TBCD: variants seen among roughly 807,000 people sequenced by gnomAD.
TBCD encodes tubulin-specific chaperone D.
TBCD carries 105 observed loss-of-function variants against 169.3 expected under a neutral mutation model. The observed-to-expected ratio is 0.62, with a 90% confidence interval of 0.53 to 0.73. The LOEUF (loss-of-function observed/expected upper bound fraction) is 0.73. Ranked by LOEUF, TBCD falls within the 30% of genes least tolerant of loss-of-function variation. TBCD has a pLI of 0.00. For missense variants in TBCD, 1,444 were observed against 1,600.1 expected (o/e 0.90, Z 1.66); for synonymous variants, 700 against 643.9 (o/e 1.09, Z -1.32).
At chr17:82,796,578 G>A (rs780317669) in intron 7 of TBCD, among the ~76,000 whole-genome samples, 5 of 152,192 alleles carry the variant, frequency 3.3e-5, no homozygotes, top group Non-Finnish European at 5.9e-5. Context: ...GAACAGGAGC[G>A]CAGAGACCCT....
chr17:82,935,087 A>C (rs1396868152), intron 34 of TBCD, among the ~76,000 whole-genome samples: 2 of 152,068 alleles, frequency 1.3e-5, no homozygotes, highest in Non-Finnish European at 2.9e-5. Flanking sequence ...TTTTTCCAAG[A>C]TAGGATGGTA....
chr17:82,856,251 C>T (rs1231162004), intron 13 of TBCD, among the ~76,000 whole-genome samples: 3 of 151,548 alleles, frequency 2.0e-5, no homozygotes, highest in Non-Finnish European at 4.4e-5. Flanking sequence ...ATCTAAAATG[C>T]AAGAATATAA....
At position 82,922,342 on chromosome 17, in the gene TBCD, C is replaced by G. The variant is rs892632654; in HGVS notation, c.2178+765C>G. 6.6e-6 allele frequency among the ~76,000 whole-genome samples: 1 copy of G among 151,926 alleles called. No homozygotes were observed. The highest frequency in any genetic ancestry group is 2.1e-4 in the South Asian group (1 of 4,814). ...CGCCATTGCACTCCAGCCTGGGTGACAAGAGCAAGACCCTGCCTCAAAAAC... is the reference window on the plus strand; with the variant it reads ...CGCCATTGCACTCCAGCCTGGGTGAGAAGAGCAAGACCCTGCCTCAAAAAC... On this transcript the variant is annotated intron_variant, in intron 25 of 38. Transcript: ENST00000355528. The surrounding 1 kb of genome is among the most constrained non-coding windows in gnomAD (Gnocchi z 4.1).
chr17:82,845,541 C>T (rs1410695361), intron 13 of TBCD, among the ~76,000 whole-genome samples: 1 of 150,934 alleles, frequency 6.6e-6, no homozygotes, highest in Non-Finnish European at 1.5e-5. Context: ...CCTTCCTGTC[C>T]ATCTTGTGTG....
intron 18 of TBCD, among the ~76,000 whole-genome samples, chr17:82,902,737 T>G (rs1470697426): frequency 6.6e-6 from 1 of 152,198 alleles, no homozygotes; most frequent in Non-Finnish European, 1.5e-5. Flanking sequence ...CACCTTCACA[T>G]TTTGCTTCTT....
At chr17:82,830,097 C>T (rs1173011461) in intron 13 of TBCD, 14 of 1,611,276 alleles carry the variant, frequency 8.7e-6, no homozygotes, top group South Asian at 1.1e-5. Context: ...CCTTGGAAGG[C>T]GTGTGTGTGG....
intron 1 of TBCD, among the ~76,000 whole-genome samples, chr17:82,754,894 C>T (rs2047319981): frequency 6.6e-6 from 1 of 152,172 alleles, no homozygotes; most frequent in Admixed American, 6.5e-5. Flanking sequence ...TGGAAGGGAG[C>T]AGTGCCTGGA....
chr17:82,801,014 G>C lies in TBCD; in HGVS notation c.950+18G>C. ...GCATGGAGGTAGGCACCATGAGGGC[G>C]GTGCCTGGGGAGGGCCACGGGGTGG... On this transcript the variant is annotated intron_variant, in intron 9 of 38. Coordinates refer to ENST00000355528, the MANE Select transcript of TBCD (RefSeq NM_005993.5). 1.3e-6 allele frequency: 2 copies of C among 1,599,280 alleles called. No individual in the cohort carries two copies. The highest frequency in any genetic ancestry group is 1.7e-6 in the Non-Finnish European group (2 of 1,174,594).
rs1033709812 is a variant in TBCD at position 82,891,731 on chromosome 17, G to A, written c.1564-1816G>A. On this transcript the variant is annotated intron_variant, in intron 16 of 38. Transcript: ENST00000355528. ...GCCGCTGGGTAACAGCAGCAGGGAT[G>A]GGGGGTGGTTGGGGAGCGGCCTGGG... 2.0e-5 allele frequency among the ~76,000 whole-genome samples: 3 copies of A among 152,160 alleles called. No homozygotes were observed. In the East Asian group the frequency reaches 5.8e-4, roughly 29 times the overall value.
chr17:82,799,441 CAAAA>C (rs61017445), intron 8 of TBCD, among the ~76,000 whole-genome samples: 13 of 72,620 alleles, frequency 1.8e-4, no homozygotes, highest in Non-Finnish European at 2.5e-4. Context: ...GACTCTGTCT[CAAAA>C]AAAAAAAAAA....
chr17:82,760,699 T>C (rs2047708700), intron 2 of TBCD, among the ~76,000 whole-genome samples: 1 of 152,258 alleles, frequency 6.6e-6, no homozygotes, highest in African/African-American at 2.4e-5. Flanking sequence ...TGTTAGTGTA[T>C]TAGTGTATTA....
chr17:82,942,313 G>C (rs1281390467), intron 38 of TBCD, 136 bp from the exon 39 acceptor site: 1 of 1,301,372 alleles, frequency 7.7e-7, no homozygotes, highest in Non-Finnish European at 1.1e-6. Context: ...TGCCGGGTGT[G>C]TGGGAAACGG....
chr17:82,771,745 T>C (rs112666645), intron 5 of TBCD, among the ~76,000 whole-genome samples: 1 of 152,052 alleles, frequency 6.6e-6, no homozygotes, highest in African/African-American at 2.4e-5. Flanking sequence ...CACACCACTG[T>C]ACTCCAGCCT....
intron 18 of TBCD, among the ~76,000 whole-genome samples, chr17:82,901,512 G>A (rs983849161): frequency 6.6e-6 from 1 of 151,294 alleles, no homozygotes; most frequent in Admixed American, 6.6e-5. Flanking sequence ...GGAGCGGCCC[G>A]GCTGCCTACT....
In TBCD at chr17:82,944,307, T is replaced by C. The variant is rs1212216188; in HGVS notation, c.*1844T>C. On this transcript the variant is annotated 3_prime_UTR_variant, in exon 39 of 39. Coordinates refer to ENST00000355528, the MANE Select transcript of TBCD (RefSeq NM_005993.5). ...ATCCCATCCATCACTGGGGCACTTGTGCTCACCAGACACCTGGTGGCCTGG... is the reference window on the plus strand; with the variant it reads ...ATCCCATCCATCACTGGGGCACTTGCGCTCACCAGACACCTGGTGGCCTGG... 6.6e-6 allele frequency: 1 copy of C among 152,186 alleles called. No homozygotes were observed. The highest frequency in any genetic ancestry group is 2.4e-5 in the African/African-American group (1 of 41,454). The allele number at this position is 152,186 out of a possible 1,614,324, so 9.4% of individuals were successfully genotyped here. A position where few individuals can be genotyped will look rare whatever the true frequency, so the allele number is the denominator to read the frequency against.
intron 3 of TBCD, 69 bp downstream of exon 3, chr17:82,764,131 C>T: frequency 8.3e-7 from 1 of 1,209,092 alleles, no homozygotes; most frequent in East Asian, 2.4e-5. Context: ...AGGTTACCCT[C>T]CAAAATGTTA....
chr17:82,941,253 T>A, intron 37 of TBCD, 146 bp from the exon 38 acceptor site: 2 of 654,808 alleles, frequency 3.1e-6, no homozygotes, highest in Non-Finnish European at 5.2e-6. Flanking sequence ...CTGTGACGTC[T>A]TTTCTGCCCT....
intron 13 of TBCD, among the ~76,000 whole-genome samples, chr17:82,854,578 C>T (rs2056093524): frequency 6.6e-6 from 1 of 152,190 alleles, no homozygotes; most frequent in Admixed American, 6.5e-5. Flanking sequence ...TTGAAAATGT[C>T]AGAAAGGCCT....
At chr17:82,759,628 T>G (rs982532879) in intron 2 of TBCD, among the ~76,000 whole-genome samples, 9 of 152,098 alleles carry the variant, frequency 5.9e-5, no homozygotes, top group Non-Finnish European at 1.3e-4. Flanking sequence ...CAGTCTCTAC[T>G]GAAGTTTTAG....
Sources: gnomAD v4.1 joint callset for allele counts (sites outside exome capture counted in the v4.1 genomes callset) on GRCh38, gnomAD v4.1.1 for gene constraint, Gnocchi (gnomAD v3.1) non-coding constraint, MANE v1.5 for transcripts, NCBI Gene and HGNC (gene_info 2026-07-23, HGNC 2026-07-21) for gene names.